The following PDE9A variants were observed in gnomAD, a reference collection of about 807,000 sequenced individuals.
The protein encoded by PDE9A is high affinity cGMP-specific 3',5'-cyclic phosphodiesterase 9A.
A neutral mutation model predicts 87.4 loss-of-function variants in PDE9A; 60 were observed. That is an observed-to-expected ratio of 0.69 (90% confidence interval 0.56 to 0.85). PDE9A has a LOEUF of 0.85. PDE9A is among the 40% of genes least tolerant of loss of function. The pLI is 0.00. For missense variants in PDE9A, 665 were observed against 779.0 expected, an observed-to-expected ratio of 0.85 and a Z score of 1.74; for synonymous variants, 272 against 279.4, an observed-to-expected ratio of 0.97 and a Z score of 0.27.
rs1001354291 is a variant in PDE9A at position 42,675,060 on chromosome 21, G to A, written c.70-11132G>A. Reference sequence around the variant, plus strand: ...AGAGAAAACCGCTGTTAACACCGAAGTGCCACAGTTGCTGGCGTTCTCACA... The same window carrying A: ...AGAGAAAACCGCTGTTAACACCGAAATGCCACAGTTGCTGGCGTTCTCACA... On this transcript the variant is annotated intron_variant, in intron 1 of 19. Coordinates refer to ENST00000291539, the MANE Select transcript of PDE9A (RefSeq NM_002606.3). This position sits in a 1 kb window ranked among gnomAD's most constrained non-coding sequence, Gnocchi z 4.3. Among the ~76,000 whole-genome samples the A allele has an allele frequency of 2.0e-5, 3 of 152,226 alleles. No homozygotes were observed. Among genetic ancestry groups the A allele is most frequent in the Non-Finnish European group, 4.4e-5 (3 of 68,038 alleles).
In PDE9A at chr21:42,704,343, G is replaced by A. The variant is rs529582232; in HGVS notation, c.262+5332G>A. 8.6e-5 allele frequency among the ~76,000 whole-genome samples: 13 copies of A among 152,008 alleles called. No individual in the cohort carries two copies. The South Asian group carries it at 1.0e-3, about 12-fold the overall frequency. Reference sequence around the variant, plus strand: ...ACCACCTTTCCCCGCCTCTGGGTGCGTGGGGACCCCGCTCTCCAAATAGGC... The same window carrying A: ...ACCACCTTTCCCCGCCTCTGGGTGCATGGGGACCCCGCTCTCCAAATAGGC... On this transcript the variant is annotated intron_variant, in intron 4 of 19. Coordinates refer to ENST00000291539, the MANE Select transcript of PDE9A (RefSeq NM_002606.3). This position sits in a 1 kb window ranked among gnomAD's most constrained non-coding sequence, Gnocchi z 5.3.
intron 7 of PDE9A, among the ~76,000 whole-genome samples, chr21:42,740,763 A>AGATAGATAGATAGATAAACAG (rs1569229299): frequency 4.8e-5 from 7 of 145,258 alleles, no homozygotes; most frequent in African/African-American, 1.9e-4. Flanking sequence ...CAGGATAGAT[A>AGATAGATAGATAGATAAACAG]GATAGATAGA....
At chr21:42,747,907 T>A (rs942691214) in intron 8 of PDE9A, among the ~76,000 whole-genome samples, 14 of 152,098 alleles carry the variant, frequency 9.2e-5, no homozygotes, top group Admixed American at 9.2e-4. Flanking sequence ...AAGCTCCAAA[T>A]AGGATGAAAA....
chr21:42,764,841 A>T (rs1056002820), intron 14 of PDE9A, among the ~76,000 whole-genome samples: 12 of 152,124 alleles, frequency 7.9e-5, no homozygotes, highest in Non-Finnish European at 1.6e-4. Flanking sequence ...CCCCCAAAAA[A>T]ATATATATAT....
At chr21:42,755,589 A>G (rs1030372204) in intron 10 of PDE9A, among the ~76,000 whole-genome samples, 6 of 152,218 alleles carry the variant, frequency 3.9e-5, no homozygotes, top group African/African-American at 7.2e-5. Flanking sequence ...ACAAAAGGAA[A>G]GGGCCCCAGG....
At chr21:42,756,036 C>T (rs909609259) in intron 10 of PDE9A, among the ~76,000 whole-genome samples, 14 of 152,256 alleles carry the variant, frequency 9.2e-5, no homozygotes, top group Admixed American at 2.6e-4. Flanking sequence ...GTCCTCTGAT[C>T]ACAGAGTGGA....
chr21:42,700,516 G>A (rs1214373405), intron 4 of PDE9A, among the ~76,000 whole-genome samples: 1 of 152,156 alleles, frequency 6.6e-6, no homozygotes, highest in African/African-American at 2.4e-5. Flanking sequence ...CGACCAGCCT[G>A]GGTGTGGTGG....
Position 42,739,810 on chromosome 21 carries a change from T to A in PDE9A, c.569-3966T>A, listed in dbSNP as rs945061481. Among the ~76,000 whole-genome samples, 1 of 151,838 alleles carries A rather than the reference T, an allele frequency of 6.6e-6. No homozygotes were observed. Among genetic ancestry groups the A allele is most frequent in the Non-Finnish European group, 1.5e-5 (1 of 67,966 alleles). On this transcript the variant is annotated intron_variant, in intron 7 of 19. Transcript: ENST00000291539. This position sits in a 1 kb window ranked among gnomAD's most constrained non-coding sequence, Gnocchi z 4.1. ...GCCTTGTATGGACATGGGAAAAAAA[T>A]TATAGGTTTGTTGCAAACTCATTTA...
chr21:42,736,355 G>A (rs1247346993), intron 7 of PDE9A, among the ~76,000 whole-genome samples: 1 of 152,166 alleles, frequency 6.6e-6, no homozygotes, highest in Non-Finnish European at 1.5e-5. Context: ...TGGCAGGTGA[G>A]TCGAAGACCA....
At chr21:42,726,521 C>T (rs760906287) in intron 4 of PDE9A, among the ~76,000 whole-genome samples, 3 of 144,516 alleles carry the variant, frequency 2.1e-5, no homozygotes, top group Non-Finnish European at 4.5e-5. Flanking sequence ...TGTTGGCCTG[C>T]GGATATCTAA....
At chr21:42,737,753 C>T (rs376939981) in intron 7 of PDE9A, among the ~76,000 whole-genome samples, 18 of 152,224 alleles carry the variant, frequency 1.2e-4, no homozygotes, top group East Asian at 3.8e-4. Context: ...CCATTGTGCC[C>T]GGCCAAGCTG....
At chr21:42,701,366 T>C (rs1170475084) in intron 4 of PDE9A, among the ~76,000 whole-genome samples, 3 of 152,154 alleles carry the variant, frequency 2.0e-5, no homozygotes, top group Non-Finnish European at 2.9e-5. Context: ...TTTCTTATAG[T>C]GCTGGTCTTC....
intron 1 of PDE9A, among the ~76,000 whole-genome samples, chr21:42,682,449 T>C (rs2059219234): frequency 6.6e-6 from 1 of 152,226 alleles, no homozygotes; most frequent in East Asian, 1.9e-4. Flanking sequence ...CTTGCTTGCA[T>C]AGAGGTGGCA....
chr21:42,724,061 C>T (rs897938288), intron 4 of PDE9A, among the ~76,000 whole-genome samples: 3 of 152,114 alleles, frequency 2.0e-5, no homozygotes, highest in African/African-American at 7.2e-5. Flanking sequence ...GTTTGTTGCC[C>T]CCAGAATCCA....
At position 42,661,092 on chromosome 21, in the gene PDE9A, C is replaced by T. The variant is rs370913472; in HGVS notation, c.69+7209C>T. 4.7e-5 allele frequency among the ~76,000 whole-genome samples: 7 copies of T among 150,200 alleles called. No homozygotes were observed. In the East Asian group the frequency reaches 1.2e-3, roughly 25 times the overall value. On this transcript the variant is annotated intron_variant, in intron 1 of 19. Transcript: ENST00000291539. ...TGTCGCCCAGGCTAGAGTGCAGTGG[C>T]GTGATCTCGGCTCACTGCAACCTCC...
At chr21:42,685,691 C>T (rs976365155) in intron 1 of PDE9A, among the ~76,000 whole-genome samples, 1 of 152,154 alleles carries the variant, frequency 6.6e-6, no homozygotes, top group African/African-American at 2.4e-5. Context: ...TGGTCTGGAA[C>T]TCCTGATCTC....
At chr21:42,737,569 T>C (rs1308942531) in intron 7 of PDE9A, among the ~76,000 whole-genome samples, 3 of 152,192 alleles carry the variant, frequency 2.0e-5, no homozygotes, top group African/African-American at 7.2e-5. Flanking sequence ...AGGACACTTC[T>C]GTCTCAGCCT....
In PDE9A at chr21:42,702,908, A is replaced by G. The variant is rs2048490763; in HGVS notation, c.262+3897A>G. On this transcript the variant is annotated intron_variant, in intron 4 of 19. Coordinates refer to ENST00000291539, the MANE Select transcript of PDE9A (RefSeq NM_002606.3). The surrounding 1 kb of genome is among the most constrained non-coding windows in gnomAD (Gnocchi z 4.9). The stretch of plus-strand genomic sequence containing the variant: ...TTAGAAGGCTTTCAGGAGAGGAGTG[A>G]CATCATCACATTTGTGTTTTAAATC... Among the ~76,000 whole-genome samples, 1 of 152,260 alleles carries G rather than the reference A, an allele frequency of 6.6e-6. No individual in the cohort carries two copies. Among genetic ancestry groups the G allele is most frequent in the African/African-American group, 2.4e-5 (1 of 41,474 alleles).
At chr21:42,765,559 C>A in intron 15 of PDE9A, 65 bp downstream of exon 15, 1 of 837,414 alleles carries the variant, frequency 1.2e-6, no homozygotes, top group Non-Finnish European at 2.1e-6. Context: ...GTCATCCATC[C>A]AGCTCACACT....
Sources: allele counts gnomAD v4.1 joint callset (sites outside exome capture counted in the v4.1 genomes callset), GRCh38; gene constraint gnomAD v4.1.1; non-coding constraint Gnocchi (gnomAD v3.1); transcripts MANE v1.5; gene names NCBI Gene and HGNC (gene_info 2026-07-23, HGNC 2026-07-21).